Variants in SCRN1 observed in about 807,000 individuals in gnomAD.
SCRN1 encodes secernin-1.
A neutral mutation model predicts 43.3 loss-of-function variants in SCRN1; 19 were observed. That is an observed-to-expected ratio of 0.44 (90% confidence interval 0.31 to 0.64). The LOEUF (loss-of-function observed/expected upper bound fraction) is 0.64, where lower values mean the gene tolerates loss of function less well. Ranked by LOEUF, SCRN1 falls within the 30% of genes least tolerant of loss-of-function variation. The pLI is 0.09. For synonymous variants in SCRN1, 183 were observed against 188.9 expected (o/e 0.97, Z 0.26); for missense variants, 447 against 524.1 (o/e 0.85, Z 1.44).
At chr7:29,947,386 C>G (rs1787770293) in intron 3 of SCRN1, 4 of 1,520,896 alleles carry the variant, frequency 2.6e-6, no homozygotes, top group South Asian at 2.5e-5. Context: ...AGAAACTCTG[C>G]TTATCTTTTC....
intron 5 of SCRN1, among the ~76,000 whole-genome samples, chr7:29,939,685 A>G (rs1787465675): frequency 6.6e-6 from 1 of 152,210 alleles, no homozygotes; most frequent in Admixed American, 6.5e-5. Flanking sequence ...AAAAGGTCAT[A>G]GTTTGCAGAC....
intron 2 of SCRN1, among the ~76,000 whole-genome samples, chr7:29,960,415 G>C (rs907983333): frequency 4.6e-5 from 7 of 151,504 alleles, no homozygotes; most frequent in Admixed American, 6.6e-5. Context: ...AAAAAAATGA[G>C]GAAATGATAA....
At chr7:29,966,159 C>CAGAG (rs58247318) in intron 2 of SCRN1, among the ~76,000 whole-genome samples, 15,536 of 84,256 alleles carry the variant, frequency 0.18, 1,952 homozygotes, top group Non-Finnish European at 0.22. Context: ...GACCGAGAGA[C>CAGAG]AGAGAGAGAG....
Position 29,921,258 on chromosome 7 carries a change from T to G in SCRN1, c.*2699A>C, listed in dbSNP as rs991067691. ...ATACACTATGACCCTTAAACATAAT[T>G]TTTGTATTTCATCTTGAATATTCAT... On this transcript the variant is annotated 3_prime_UTR_variant, in exon 8 of 8. Coordinates refer to ENST00000242059, the MANE Select transcript of SCRN1 (RefSeq NM_014766.5). The G allele has an allele frequency of 1.3e-5, 2 of 152,654 alleles. No homozygotes were observed. The highest frequency in any genetic ancestry group is 4.8e-5 in the African/African-American group (2 of 41,452). The allele number at this position is 152,654 out of a possible 1,614,324, so 9.5% of individuals were successfully genotyped here. A position where few individuals can be genotyped will look rare whatever the true frequency, so the allele number is the denominator to read the frequency against.
At position 29,923,733 on chromosome 7, in the gene SCRN1, A is replaced by T; in HGVS notation, c.*224T>A. The T allele has an allele frequency of 2.1e-6, 1 of 477,444 alleles. No individual in the cohort carries two copies. Among genetic ancestry groups the T allele is most frequent in the Non-Finnish European group, 3.7e-6 (1 of 270,222 alleles). The allele number at this position is 477,444 out of a possible 1,614,324, so 29.6% of individuals were successfully genotyped here. ...ACAATTAGTCACACAACCGAACAAC[A>T]GGCAACGGGATACATGTTACACTGC... On this transcript the variant is annotated 3_prime_UTR_variant, in exon 8 of 8. Coordinates refer to ENST00000242059, the MANE Select transcript of SCRN1 (RefSeq NM_014766.5).
chr7:29,955,273 CT>C lies in SCRN1; in HGVS notation c.246del (p.Ala83ProfsTer8), dbSNP rs1296674765. ...GCTATGCACACTCCATGTTCATTGG[CT>C]CCCATTTCTGCTCCCCAGAGCCAGG... ...RPAWLWGAEM[G>X]ANEHGVCIAN... On this transcript the variant is annotated frameshift_variant, in exon 3 of 8. Transcript: ENST00000242059. LOFTEE classifies it high-confidence loss of function. 6.2e-7 allele frequency: 1 copy of C among 1,614,138 alleles called. No individual in the cohort carries two copies.
chr7:29,983,478 A>T (rs964454437), intron 1 of SCRN1, among the ~76,000 whole-genome samples: 6 of 152,240 alleles, frequency 3.9e-5, no homozygotes, highest in African/African-American at 1.4e-4. Context: ...CTTTATGGTG[A>T]CATGGCAGAA....
intron 2 of SCRN1, among the ~76,000 whole-genome samples, chr7:29,966,238 CACATA>C (rs1788493822): frequency 6.7e-6 from 1 of 149,762 alleles, no homozygotes; most frequent in African/African-American, 2.5e-5. Context: ...CCCTGGAAGT[CACATA>C]GCATCACTTC....
intron 6 of SCRN1, among the ~76,000 whole-genome samples, chr7:29,935,327 G>C (rs1456147214): frequency 6.6e-6 from 1 of 152,222 alleles, no homozygotes; most frequent in Non-Finnish European, 1.5e-5. Context: ...CCAGTCCCTA[G>C]CTAGATGCAA....
At chr7:29,968,184 A>G (rs1437802236) in intron 2 of SCRN1, among the ~76,000 whole-genome samples, 1 of 152,172 alleles carries the variant, frequency 6.6e-6, no homozygotes, top group Non-Finnish European at 1.5e-5. Context: ...GCTGTTATCC[A>G]CTTCAGTGCT....
chr7:29,939,644 T>A (rs1031581382), intron 5 of SCRN1, among the ~76,000 whole-genome samples: 2 of 152,172 alleles, frequency 1.3e-5, no homozygotes, highest in African/African-American at 4.8e-5. Context: ...TACAGTCCAA[T>A]AAAATTTTGT....
chr7:29,982,119 T>C (rs1484802254), intron 1 of SCRN1, among the ~76,000 whole-genome samples: 1 of 152,202 alleles, frequency 6.6e-6, no homozygotes, highest in Non-Finnish European at 1.5e-5. Flanking sequence ...GTCAAACTTT[T>C]AAAAAATTGA....
At chr7:29,984,338 T>G (rs149351522) in intron 1 of SCRN1, among the ~76,000 whole-genome samples, 5 of 152,152 alleles carry the variant, frequency 3.3e-5, no homozygotes, top group Admixed American at 3.3e-4. Context: ...GGATAAATTT[T>G]TTAAATAACA....
At chr7:29,938,589 G>A (rs1313147854) in intron 5 of SCRN1, among the ~76,000 whole-genome samples, 2 of 152,248 alleles carry the variant, frequency 1.3e-5, no homozygotes, top group African/African-American at 2.4e-5. Context: ...GCGGAAAACC[G>A]CTTAAAGGCT....
At position 29,950,667 on chromosome 7, in the gene SCRN1, TCA is replaced by T. The variant is rs544911843; in HGVS notation, c.341+4510_341+4511del. Among the ~76,000 whole-genome samples, 17 of 152,258 alleles carry T rather than the reference TCA, an allele frequency of 1.1e-4. No individual in the cohort carries two copies. The East Asian group carries it at 3.3e-3, about 29-fold the overall frequency. On this transcript the variant is annotated intron_variant, in intron 3 of 7. Coordinates refer to ENST00000242059, the MANE Select transcript of SCRN1 (RefSeq NM_014766.5). The surrounding 1 kb of genome is among the most constrained non-coding windows in gnomAD (Gnocchi z 4.5). ...ATAAAAACCCCAGACTCAGTCAGAC[TCA>T]CACAGACGTTAGGACTACCAGCTGC...
At chr7:29,960,983 C>T (rs953381195) in intron 2 of SCRN1, among the ~76,000 whole-genome samples, 1 of 151,096 alleles carries the variant, frequency 6.6e-6, no homozygotes, top group African/African-American at 2.4e-5. Flanking sequence ...ATGTTCCAAT[C>T]GCAAACTGCA....
intron 2 of SCRN1, among the ~76,000 whole-genome samples, chr7:29,964,133 C>A (rs1379166802): frequency 6.6e-6 from 1 of 152,112 alleles, no homozygotes; most frequent in African/African-American, 2.4e-5. Context: ...ATATGATTAC[C>A]TATTCAAAAT....
At chr7:29,969,181 C>T in intron 1 of SCRN1, 113 bp from the exon 2 acceptor site, 2 of 1,268,884 alleles carry the variant, frequency 1.6e-6, no homozygotes. Context: ...GAACTGTGCA[C>T]AGCTAGCTCA....
upstream of SCRN1, chr7:29,990,248 A>G (rs1255563026): frequency 1.3e-6 from 2 of 1,551,646 alleles, no homozygotes; most frequent in Admixed American, 2.0e-5. Context: ...CATGTTGGTA[A>G]GCCAGACCCT....
Sources: gnomAD v4.1 joint callset for allele counts (sites outside exome capture counted in the v4.1 genomes callset) on GRCh38, gnomAD v4.1.1 for gene constraint, Gnocchi (gnomAD v3.1) non-coding constraint, MANE v1.5 for transcripts, NCBI Gene and HGNC (gene_info 2026-07-23, HGNC 2026-07-21) for gene names.